DBF4B: variants seen among roughly 807,000 people sequenced by gnomAD.
The protein encoded by DBF4B is protein DBF4 homolog B.
DBF4B carries 49 observed loss-of-function variants against 53.4 expected under a neutral mutation model. The observed-to-expected ratio is 0.92, with a 90% CI of 0.73 to 1.16. The LOEUF (loss-of-function observed/expected upper bound fraction) is 1.16. Ranked by LOEUF, DBF4B falls within the 50% of genes most tolerant of loss-of-function variation. The pLI, the probability that DBF4B is intolerant of heterozygous loss-of-function variation, is 0.00. For synonymous variants in DBF4B, 257 were observed against 288.7 expected (o/e 0.89, Z 1.11); for missense variants, 692 against 775.0 (o/e 0.89, Z 1.27).
intron 10 of DBF4B, among the ~76,000 whole-genome samples, chr17:44,745,938 T>C (rs1976540443): frequency 6.6e-6 from 1 of 151,550 alleles, no homozygotes; most frequent in Non-Finnish European, 1.5e-5. Context: ...CCGGATGTGG[T>C]GACTCAGTCC....
chr17:44,747,807 AG>A (rs2049146566), intron 12 of DBF4B, among the ~76,000 whole-genome samples: 2 of 152,200 alleles, frequency 1.3e-5, no homozygotes, highest in African/African-American at 4.8e-5. Context: ...GCCAGGGAGC[AG>A]GGGGTTAGTG....
At chr17:44,714,894 G>T (rs567611144) in intron 2 of DBF4B, among the ~76,000 whole-genome samples, 2 of 151,914 alleles carry the variant, frequency 1.3e-5, no homozygotes, top group Non-Finnish European at 2.9e-5. Context: ...ACCAGAATAG[G>T]TTCAGAGAGG....
rs558842813 is a variant in DBF4B, at chr17:44,732,190, G to A, written c.481G>A (p.Gly161Arg). The A allele has an allele frequency of 6.2e-7, 1 of 1,614,078 alleles. No individual in the cohort carries two copies. The highest frequency in any genetic ancestry group is 8.5e-7 in the Non-Finnish European group (1 of 1,180,000). ...KAIRNQGSIS[G>R]GGSGGSSSLL... Reference sequence around the variant, plus strand: ...GTTGTAATTTCAGGGGAGCATCAGTGGAGGAGGCAGTGGGGGCAGCAGCAG... The same window carrying A: ...GTTGTAATTTCAGGGGAGCATCAGTAGAGGAGGCAGTGGGGGCAGCAGCAG... Residue 161 changes from glycine (G) to arginine (R), a missense_variant, in exon 6 of 14, where the codon GGA becomes AGA. Transcript: ENST00000315005.
Position 44,749,367 on chromosome 17 carries a change from C to T in DBF4B, c.1189+902C>T. On this transcript the variant is annotated intron_variant, in intron 13 of 13. Transcript: ENST00000315005. The surrounding 1 kb of genome is among the most constrained non-coding windows in gnomAD (Gnocchi z 4.4). ...GCCAGGCAGCTCCAGATTGAAGGGC[C>T]ACAGATACAACTTACTCCTCTGCTG... 7.8e-7 allele frequency: 1 copy of T among 1,289,604 alleles called. No homozygotes were observed. Among genetic ancestry groups the T allele is most frequent in the Non-Finnish European group, 1.0e-6 (1 of 988,872 alleles). The allele number at this position is 1,289,604 out of a possible 1,614,324, so 79.9% of individuals were successfully genotyped here.
At position 44,750,768 on chromosome 17, in the gene DBF4B, C is replaced by G. The variant is rs760791798; in HGVS notation, c.1363C>G (p.His455Asp). 2 of 1,614,230 alleles carry G rather than the reference C, an allele frequency of 1.2e-6. No individual in the cohort carries two copies. Among genetic ancestry groups the G allele is most frequent in the South Asian group, 2.2e-5 (2 of 91,092 alleles). Residue 455 changes from histidine (H) to aspartate (D), a missense_variant, in exon 14 of 14, where the codon CAT becomes GAT. By Grantham distance (81) the His-to-Asp change is moderately conservative (BLOSUM62 -1). Coordinates refer to ENST00000315005, the MANE Select transcript of DBF4B (RefSeq NM_145663.3). The part of the protein sequence containing the change: ...CPCPASFTQS[H>D]LVTSLALLPG... ...CTGCCCAGCCTCCTTTACCCAGTCT[C>G]ATCTGGTCACTTCCTTGGCTCTGCT... is the stretch of plus-strand genomic sequence containing the variant.
At chr17:44,735,758 G>A (rs1197415090) in intron 7 of DBF4B, among the ~76,000 whole-genome samples, 1 of 152,152 alleles carries the variant, frequency 6.6e-6, no homozygotes, top group Non-Finnish European at 1.5e-5. Flanking sequence ...AATGTGAGAG[G>A]CTTCTTTGGA....
chr17:44,709,515 C>A, intron 2 of DBF4B, 149 bp downstream of exon 2: 1 of 944,296 alleles, frequency 1.1e-6, no homozygotes, highest in Non-Finnish European at 1.6e-6. Context: ...GGGATGGGGT[C>A]TTGCTGTGTT....
chr17:44,717,677 CT>C (rs1973442223), intron 2 of DBF4B, among the ~76,000 whole-genome samples: 1 of 144,514 alleles, frequency 6.9e-6, no homozygotes. Context: ...CCACTGCACT[CT>C]AGCCTGGGTA....
rs763208728 is a variant in DBF4B at position 44,747,412 on chromosome 17, C to T, written c.961C>T (p.Arg321Trp). 2.2e-5 allele frequency: 36 copies of T among 1,614,026 alleles called. No homozygotes were observed. Among genetic ancestry groups the T allele is most frequent in the Admixed American group, 2.2e-4 (13 of 60,006 alleles). The change falls in exon 12 of 14, where the codon CGG (arginine) becomes TGG (tryptophan). Residue 321 changes from arginine to tryptophan, a missense_variant. Physicochemically the swap from Arg to Trp is moderately radical, Grantham distance 101 (BLOSUM62 -3). This residue lies in a region of DBF4B where 597 missense variants were observed against 665.8 expected (regional missense o/e 0.90). Coordinates refer to ENST00000315005, the MANE Select transcript of DBF4B (RefSeq NM_145663.3). ...LHVHLQSAQH[R>W]SFALEAHLYA... ...GCAGCATCTTCAGAGTGCCCAGCAC[C>T]GGAGCTTTGCCCTGGAAGCCCATCT...
chr17:44,734,825 T>G (rs1042469534), intron 7 of DBF4B, among the ~76,000 whole-genome samples: 3 of 152,168 alleles, frequency 2.0e-5, no homozygotes, highest in Non-Finnish European at 4.4e-5. Context: ...ATGGAGCAGC[T>G]GGGCATGGTG....
At position 44,749,886 on chromosome 17, in the gene DBF4B, C is replaced by G. The variant is rs1383571815; in HGVS notation, c.1190-709C>G. On this transcript the variant is annotated intron_variant, in intron 13 of 13. Transcript: ENST00000315005. This position sits in a 1 kb window ranked among gnomAD's most constrained non-coding sequence, Gnocchi z 4.4. ...AAAATGACTGTGTTTGTCCCCTCCC[C>G]CAGCCCCCCACGCTCCCGCACACAG... 1 of 1,039,120 alleles carries G rather than the reference C, an allele frequency of 9.6e-7. No homozygotes were observed. 64.4% of individuals were successfully genotyped at this position (1,039,120 alleles called of 1,614,324 possible).
chr17:44,722,796 C>G (rs1973962375), intron 2 of DBF4B, 84 bp from the exon 3 acceptor site: 2 of 1,500,440 alleles, frequency 1.3e-6, no homozygotes, highest in Non-Finnish European at 1.8e-6. Context: ...TTATAGCACA[C>G]AGACTGAGCT....
At chr17:44,716,656 T>G (rs978107674) in intron 2 of DBF4B, among the ~76,000 whole-genome samples, 3 of 152,194 alleles carry the variant, frequency 2.0e-5, no homozygotes, top group African/African-American at 7.2e-5. Context: ...CCAAAAACAT[T>G]TCCAGAGGTT....
chr17:44,748,532 A>T (rs764879741), intron 13 of DBF4B, 67 bp downstream of exon 13: 1 of 1,605,476 alleles, frequency 6.2e-7, no homozygotes, highest in South Asian at 1.1e-5. Flanking sequence ...GGGACTGGTG[A>T]GGTACCTGGA....
At chr17:44,723,967 C>A (rs754611167) in intron 3 of DBF4B, among the ~76,000 whole-genome samples, 3 of 151,784 alleles carry the variant, frequency 2.0e-5, no homozygotes, top group African/African-American at 7.3e-5. Flanking sequence ...AAAAATTAAG[C>A]GGGTGTGGTG....
intron 2 of DBF4B, among the ~76,000 whole-genome samples, chr17:44,716,672 G>A (rs986641382): frequency 2.0e-5 from 3 of 152,220 alleles, no homozygotes; most frequent in Admixed American, 6.5e-5. Flanking sequence ...AGGTTGCCAA[G>A]TATCCCCTGA....
Position 44,741,261 on chromosome 17 carries a change from G to A in DBF4B, c.714-75G>A, listed in dbSNP as rs959425334. Reference sequence around the variant, plus strand: ...CCACTTTATCAGGGCTGGAATTCTAGGGCATTGGGCGAGGCCCCCTCCTCA... The same window carrying A: ...CCACTTTATCAGGGCTGGAATTCTAAGGCATTGGGCGAGGCCCCCTCCTCA... On this transcript the variant is annotated intron_variant, in intron 9 of 13. Transcript: ENST00000315005. 55 of 1,036,596 alleles carry A rather than the reference G, an allele frequency of 5.3e-5. No individual in the cohort carries two copies. The Admixed American group carries it at 8.2e-4, about 15-fold the overall frequency. 64.2% of individuals were successfully genotyped at this position (1,036,596 alleles called of 1,614,324 possible).
intron 3 of DBF4B, among the ~76,000 whole-genome samples, chr17:44,725,636 A>C (rs1359202651): frequency 6.7e-6 from 1 of 148,264 alleles, no homozygotes; most frequent in Non-Finnish European, 1.5e-5. Context: ...GCCCTTGGTA[A>C]TGCCCATCTA....
chr17:44,736,994 C>G (rs1404822862), intron 8 of DBF4B, 128 bp downstream of exon 8: 2 of 1,144,334 alleles, frequency 1.7e-6, no homozygotes, highest in Admixed American at 2.1e-5. Context: ...TATCTTGCCC[C>G]TTTGTGTTTC....
Sources: allele counts gnomAD v4.1 joint callset (sites outside exome capture counted in the v4.1 genomes callset), GRCh38; gene constraint gnomAD v4.1.1; regional missense constraint gnomAD v4.1.1; non-coding constraint Gnocchi (gnomAD v3.1); transcripts MANE v1.5; gene names NCBI Gene and HGNC (gene_info 2026-07-23, HGNC 2026-07-21).